The following PCDHGB3 variants were observed in gnomAD, a reference collection of about 807,000 sequenced individuals.
The protein encoded by PCDHGB3 is protocadherin gamma subfamily B, 3, also known as protocadherin gamma-B3.
A neutral mutation model predicts 59.2 loss-of-function variants in PCDHGB3; 40 were observed. That is an observed-to-expected ratio of 0.68 (90% confidence interval 0.52 to 0.88). The LOEUF is 0.88. Ranked by LOEUF, PCDHGB3 falls within the 40% of genes least tolerant of loss-of-function variation. The pLI, the probability that PCDHGB3 is intolerant of heterozygous loss-of-function variation, is 0.00. For synonymous variants in PCDHGB3, 581 were observed against 503.6 expected (o/e 1.15, Z -2.06); for missense variants, 1,309 against 1,187.9 (o/e 1.10, Z -1.50).
chr5:141,411,536 A>G (rs1333872781), intron 1 of PCDHGB3: 1 of 152,248 alleles, frequency 6.6e-6, no homozygotes, highest in Admixed American at 6.5e-5. Context: ...GTGAGCCCTG[A>G]TCTTGCCACT....
chr5:141,477,710 GA>G lies in PCDHGB3; in HGVS notation c.2416-17095del. ...GCCCCTAGACTATGAGGATCGGCGG[GA>G]ATTTGAATTAACAGCTCATATCAGC... On this transcript the variant is annotated intron_variant, in intron 1 of 3. Coordinates refer to ENST00000576222, the MANE Select transcript of PCDHGB3 (RefSeq NM_018924.5). This position sits in a 1 kb window ranked among gnomAD's most constrained non-coding sequence, Gnocchi z 4.9. 2 of 1,613,918 alleles carry G rather than the reference GA, an allele frequency of 1.2e-6. No individual in the cohort carries two copies. Among genetic ancestry groups the G allele is most frequent in the Non-Finnish European group, 1.7e-6 (2 of 1,180,044 alleles).
In PCDHGB3 at chr5:141,432,866, G is replaced by C. The variant is rs139832920; in HGVS notation, c.2415+60057G>C. 8 of 1,614,152 alleles carry C rather than the reference G, an allele frequency of 5.0e-6. No individual in the cohort carries two copies. Among genetic ancestry groups the C allele is most frequent in the South Asian group, 2.2e-5 (2 of 91,074 alleles). On this transcript the variant is annotated intron_variant, in intron 1 of 3. Coordinates refer to ENST00000576222, the MANE Select transcript of PCDHGB3 (RefSeq NM_018924.5). The surrounding 1 kb of genome is among the most constrained non-coding windows in gnomAD (Gnocchi z 6.0). ...GGTAGCGGTGGCCGCGGTCTCCTGC[G>C]TCTTCCTGGCCTTCGTCATCTTGCT...
chr5:141,398,915 A>G, intron 1 of PCDHGB3: 1 of 1,614,002 alleles, frequency 6.2e-7, no homozygotes, highest in Non-Finnish European at 8.5e-7. Context: ...ACTGTGTTGC[A>G]AGTGTCAGCC....
chr5:141,458,594 G>A (rs1226490392), intron 1 of PCDHGB3, among the ~76,000 whole-genome samples: 2 of 151,612 alleles, frequency 1.3e-5, no homozygotes, highest in South Asian at 2.1e-4. Flanking sequence ...TTTTGGAGAC[G>A]AGTCTCACTC....
chr5:141,488,793 C>G (rs1274193018), intron 1 of PCDHGB3, among the ~76,000 whole-genome samples: 1 of 152,172 alleles, frequency 6.6e-6, no homozygotes, highest in African/African-American at 2.4e-5. Context: ...TTTGTCTTCC[C>G]TGTTGAGTAC....
chr5:141,467,693 G>A lies in PCDHGB3; in HGVS notation c.2416-27114G>A, dbSNP rs543886467. Among the ~76,000 whole-genome samples the A allele has an allele frequency of 2.0e-4, 30 of 152,110 alleles. No individual in the cohort carries two copies. In the South Asian group the frequency reaches 5.6e-3, roughly 28 times the overall value. On this transcript the variant is annotated intron_variant, in intron 1 of 3. Transcript: ENST00000576222. ...TTTTATTTTTTTTAGACAGGGTCTGGCTCTGTTGCCCAGGCTGGAGTGTAG... is the reference window on the plus strand; with the variant it reads ...TTTTATTTTTTTTAGACAGGGTCTGACTCTGTTGCCCAGGCTGGAGTGTAG...
chr5:141,394,076 A>C (rs1329419086), intron 1 of PCDHGB3: 1 of 1,613,896 alleles, frequency 6.2e-7, no homozygotes, highest in Admixed American at 1.7e-5. Flanking sequence ...ACAATATCAC[A>C]GTGATGGCCT....
rs558873325 is a variant in PCDHGB3 at position 141,370,852 on chromosome 5, C to G, written c.458C>G (p.Ala153Gly). The change falls in exon 1 of 4, where the codon GCC (alanine) becomes GGC (glycine). Residue 153 changes from alanine (A) to glycine (G), a missense_variant. Coordinates refer to ENST00000576222, the MANE Select transcript of PCDHGB3 (RefSeq NM_018924.5). ...SELALTGATF[A>G]LESAQDPDVG... ...CTGGCTCTCACTGGAGCCACATTTG[C>G]CCTGGAATCTGCGCAAGATCCTGAT... The G allele has an allele frequency of 2.0e-5, 33 of 1,614,018 alleles. No individual in the cohort carries two copies. In the South Asian group the frequency reaches 3.4e-4, roughly 17 times the overall value.
chr5:141,423,864 G>T, intron 1 of PCDHGB3: 4 of 1,284,224 alleles, frequency 3.1e-6, no homozygotes, highest in Non-Finnish European at 3.9e-6. Flanking sequence ...TTTTGTGAAA[G>T]TCATTTTTCA....
intron 1 of PCDHGB3, chr5:141,394,655 G>A (rs780779279): frequency 2.7e-5 from 43 of 1,613,284 alleles, no homozygotes; most frequent in Admixed American, 5.0e-5. Flanking sequence ...CCAGCGAGCC[G>A]GGACTCTTCT....
At chr5:141,494,654 G>A in intron 1 of PCDHGB3, 153 bp from the exon 2 acceptor site, 1 of 966,640 alleles carries the variant, frequency 1.0e-6, no homozygotes, top group South Asian at 4.8e-5. Context: ...GGTGTATTTT[G>A]TCTTTGGAGA....
intron 1 of PCDHGB3, chr5:141,427,531 A>C: frequency 1.6e-6 from 1 of 620,632 alleles, no homozygotes. Flanking sequence ...ATCCCGGAGT[A>C]CAACGTCACC....
chr5:141,385,348 C>T, intron 1 of PCDHGB3: 1 of 1,557,574 alleles, frequency 6.4e-7, no homozygotes. Context: ...TCCTTTATTT[C>T]CATGAGGAAT....
chr5:141,503,214 T>C (rs994291483), intron 2 of PCDHGB3, among the ~76,000 whole-genome samples: 7 of 152,096 alleles, frequency 4.6e-5, no homozygotes, highest in African/African-American at 1.7e-4. Flanking sequence ...GTGCCCACCA[T>C]GAGCACCGTA....
chr5:141,424,776 A>G (rs1406581367), intron 1 of PCDHGB3: 2 of 152,154 alleles, frequency 1.3e-5, no homozygotes, highest in African/African-American at 4.8e-5. Context: ...CAAATAGTAC[A>G]TTCAGTTCTT....
At position 141,383,079 on chromosome 5, in the gene PCDHGB3, G is replaced by A. The variant is rs770794066; in HGVS notation, c.2415+10270G>A. 4 of 1,613,906 alleles carry A rather than the reference G, an allele frequency of 2.5e-6. No individual in the cohort carries two copies. In the South Asian group the frequency reaches 4.4e-5, roughly 18 times the overall value. ...TGGGGCTGGAGCCCCGGGAGCTGGC[G>A]GAGCGCGGAGTCCGCATCATCTCCA... is the stretch of plus-strand genomic sequence containing the variant. On this transcript the variant is annotated intron_variant, in intron 1 of 3. Transcript: ENST00000576222.
intron 1 of PCDHGB3, among the ~76,000 whole-genome samples, chr5:141,438,678 G>C (rs2098050264): frequency 7.1e-6 from 1 of 140,560 alleles, no homozygotes; most frequent in African/African-American, 2.6e-5. Context: ...ATTTGGAGTA[G>C]GGGATGGAGT....
intron 1 of PCDHGB3, chr5:141,410,847 G>GTTTTTT (rs773839667): frequency 6.3e-5 from 10 of 158,328 alleles, no homozygotes; most frequent in Admixed American, 1.8e-4. Flanking sequence ...TTTTGTCTTT[G>GTTTTTT]TCTTTTTTTT....
At chr5:141,384,755 T>C (rs1780456507) in intron 1 of PCDHGB3, 1 of 1,613,938 alleles carries the variant, frequency 6.2e-7, no homozygotes, top group South Asian at 1.1e-5. Flanking sequence ...CTCTTTGCGG[T>C]TGGGCTGTAC....
Sources: allele counts gnomAD v4.1 joint callset (sites outside exome capture counted in the v4.1 genomes callset), GRCh38; gene constraint gnomAD v4.1.1; non-coding constraint Gnocchi (gnomAD v3.1); transcripts MANE v1.5; gene names NCBI Gene and HGNC (gene_info 2026-07-23, HGNC 2026-07-21).